Variants in WAC observed in about 807,000 individuals in gnomAD.
The protein encoded by WAC is WW domain containing adaptor with coiled-coil.
In WAC, 11 loss-of-function variants were observed where a neutral mutation model predicts 79.6. The ratio of observed to expected loss-of-function variants is 0.14; its 90% confidence interval spans 0.09 to 0.23. The LOEUF is 0.23. WAC is among the 10% of genes least tolerant of loss of function. The pLI, the probability that WAC is intolerant of heterozygous loss-of-function variation, is 1.00. For synonymous variants in WAC, 304 were observed against 276.9 expected (o/e 1.10, Z -0.97); for missense variants, 728 against 773.5 (o/e 0.94, Z 0.70).
At chr10:28,537,706 C>T (rs1564370208) in intron 3 of WAC, 1 of 152,196 alleles carries the variant, frequency 6.6e-6, no homozygotes, top group Non-Finnish European at 1.5e-5. Flanking sequence ...TGAAGCTATT[C>T]TTAAATGCTT....
At chr10:28,611,555 A>C in intron 9 of WAC, 14 of 1,342,344 alleles carry the variant, frequency 1.0e-5, no homozygotes, top group Non-Finnish European at 1.4e-5. Flanking sequence ...AGAGTGGGCC[A>C]CACTGGGTGT....
At chr10:28,551,103 G>A (rs2132421640) in intron 3 of WAC, among the ~76,000 whole-genome samples, 1 of 152,176 alleles carries the variant, frequency 6.6e-6, no homozygotes, top group East Asian at 1.9e-4. Context: ...AGAATAATAG[G>A]GGGGATATTT....
chr10:28,614,411 A>C (rs1841387629), intron 10 of WAC, among the ~76,000 whole-genome samples, 156 bp from the exon 11 acceptor site: 1 of 152,184 alleles, frequency 6.6e-6, no homozygotes, highest in Non-Finnish European at 1.5e-5. Flanking sequence ...ATAGGGAAGT[A>C]ATTTTATGAC....
chr10:28,536,935 CA>C (rs1206712206), intron 3 of WAC, among the ~76,000 whole-genome samples: 1 of 152,190 alleles, frequency 6.6e-6, no homozygotes, highest in East Asian at 1.9e-4. Context: ...CCCCTATTGG[CA>C]GCTAGTTCTT....
chr10:28,534,262 A>G (rs189661659), intron 2 of WAC: 2 of 441,884 alleles, frequency 4.5e-6, no homozygotes, highest in Admixed American at 8.5e-5. Flanking sequence ...CTGATTTAGG[A>G]AAAAAGAATC....
chr10:28,596,174 G>A, intron 7 of WAC, 133 bp downstream of exon 7: 1 of 943,146 alleles, frequency 1.1e-6, no homozygotes. Flanking sequence ...ATGTTTCTGT[G>A]TAGAGTTAGG....
chr10:28,543,820 C>T (rs918932794), intron 3 of WAC, among the ~76,000 whole-genome samples: 2 of 152,158 alleles, frequency 1.3e-5, no homozygotes, highest in South Asian at 2.1e-4. Context: ...ATTCTCATGC[C>T]ATAAAATAAT....
chr10:28,534,599 A>G (rs1836514576), intron 2 of WAC, among the ~76,000 whole-genome samples: 1 of 152,182 alleles, frequency 6.6e-6, no homozygotes, highest in Admixed American at 6.5e-5. Flanking sequence ...ATTCTGATGT[A>G]GGTGGTTCTA....
chr10:28,541,416 T>TG (rs1236208182), intron 3 of WAC, among the ~76,000 whole-genome samples: 469 of 36,748 alleles, frequency 0.013, 51 homozygotes, highest in African/African-American at 0.027. Context: ...TGTGTGTGTG[T>TG]TTTGTTTTTT....
intron 6 of WAC, among the ~76,000 whole-genome samples, chr10:28,593,983 C>A (rs1840228604): frequency 6.6e-6 from 1 of 152,034 alleles, no homozygotes; most frequent in African/African-American, 2.4e-5. Context: ...TGTTGAGCAC[C>A]ATAACTGGCC....
chr10:28,596,110 A>G (rs1318123801), intron 7 of WAC, 69 bp downstream of exon 7: 1 of 1,446,358 alleles, frequency 6.9e-7, no homozygotes, highest in East Asian at 2.3e-5. Context: ...TTTCTTATAT[A>G]TTACATTATT....
At chr10:28,536,973 T>TA (rs1836713559) in intron 3 of WAC, among the ~76,000 whole-genome samples, 1 of 152,208 alleles carries the variant, frequency 6.6e-6, no homozygotes. Context: ...TTAAAAAAAA[T>TA]ACCTTGCATC....
intron 12 of WAC, among the ~76,000 whole-genome samples, chr10:28,616,782 A>G (rs141165607): frequency 2.0e-5 from 3 of 152,316 alleles, no homozygotes; most frequent in African/African-American, 4.8e-5. Context: ...TTCCATTAGC[A>G]CTGTTAATCT....
At chr10:28,606,097 G>T (rs1398008091) in intron 7 of WAC, among the ~76,000 whole-genome samples, 2 of 151,694 alleles carry the variant, frequency 1.3e-5, no homozygotes, top group Admixed American at 1.3e-4. Flanking sequence ...CATTGCCTAG[G>T]CTAGATTGCA....
chr10:28,562,938 T>G (rs945078622), intron 3 of WAC, among the ~76,000 whole-genome samples: 3 of 152,186 alleles, frequency 2.0e-5, no homozygotes, highest in African/African-American at 4.8e-5. Context: ...TAAATAACGG[T>G]GAAATCTGTA....
chr10:28,593,654 G>T (rs954338666), intron 6 of WAC, among the ~76,000 whole-genome samples: 13 of 151,280 alleles, frequency 8.6e-5, no homozygotes, highest in African/African-American at 3.2e-4. Context: ...TGTAATCCCA[G>T]CCACGTGGGA....
intron 2 of WAC, among the ~76,000 whole-genome samples, chr10:28,534,558 A>G (rs1589113170): frequency 6.6e-6 from 1 of 152,314 alleles, no homozygotes; most frequent in Non-Finnish European, 1.5e-5. Context: ...TGTTTCTGTA[A>G]GAATTGAGGT....
intron 12 of WAC, 148 bp downstream of exon 12, chr10:28,616,510 A>T: frequency 1.3e-6 from 1 of 766,466 alleles, no homozygotes; most frequent in Non-Finnish European, 1.9e-6. Flanking sequence ...AAAATATTTG[A>T]TATATAAGAT....
At chr10:28,541,401 T>G (rs371548287) in intron 3 of WAC, among the ~76,000 whole-genome samples, 2 of 97,362 alleles carry the variant, frequency 2.1e-5, no homozygotes, top group Non-Finnish European at 4.3e-5. Context: ...TTTTGTGGGG[T>G]TGTGTGTGTG....
Sources: gnomAD v4.1 joint callset for allele counts (sites outside exome capture counted in the v4.1 genomes callset) on GRCh38, gnomAD v4.1.1 for gene constraint, MANE v1.5 for transcripts, NCBI Gene and HGNC (gene_info 2026-07-23, HGNC 2026-07-21) for gene names.